The following AKAP8L variants were observed in gnomAD, a reference collection of about 807,000 sequenced individuals.
The protein encoded by AKAP8L is A-kinase anchor protein 8-like.
A neutral mutation model predicts 77.5 loss-of-function variants in AKAP8L; 34 were observed. The ratio of observed to expected loss-of-function variants is 0.44; its 90% confidence interval spans 0.33 to 0.58. The LOEUF (loss-of-function observed/expected upper bound fraction) is 0.58, where lower values mean the gene tolerates loss of function less well. Among genes scored for constraint, AKAP8L ranks in the 20% least tolerant of loss-of-function variants. The probability of loss-of-function intolerance (pLI) is 0.02; values close to 1 mark genes in which losing one functional copy is unlikely to be tolerated. For synonymous variants in AKAP8L, 342 were observed against 340.7 expected (o/e 1.00, Z -0.04); for missense variants, 806 against 887.6 (o/e 0.91, Z 1.17).
At chr19:15,388,650 T>C (rs997047520) in intron 12 of AKAP8L, among the ~76,000 whole-genome samples, 1 of 152,190 alleles carries the variant, frequency 6.6e-6, no homozygotes, top group African/African-American at 2.4e-5. Context: ...GTGCGGTGGC[T>C]CACGCCTGTA....
In AKAP8L at chr19:15,403,887, G is replaced by T; in HGVS notation, c.121+123C>A. ...TCTGATGAGGGCCTCCTGTTAAGGA[G>T]TAGGTAACCCCAGAAACATGCCCCC... On this transcript the variant is annotated intron_variant, in intron 3 of 13. Transcript: ENST00000397410. The surrounding 1 kb of genome is among the most constrained non-coding windows in gnomAD (Gnocchi z 4.3). 8.1e-7 allele frequency: 1 copy of T among 1,228,992 alleles called. No homozygotes were observed. The highest frequency in any genetic ancestry group is 1.2e-6 in the Non-Finnish European group (1 of 856,930). 76.1% of individuals were successfully genotyped at this position (1,228,992 alleles called of 1,614,324 possible). A position where few individuals can be genotyped will look rare whatever the true frequency, so the allele number is the denominator to read the frequency against.
chr19:15,396,051 A>G (rs1031828598), intron 12 of AKAP8L, among the ~76,000 whole-genome samples: 8 of 150,600 alleles, frequency 5.3e-5, no homozygotes, highest in Non-Finnish European at 3.0e-5. Context: ...GCCAAAGCCA[A>G]CTGACATTTT....
chr19:15,390,551 AAAGG>A (rs1457808439), intron 12 of AKAP8L, among the ~76,000 whole-genome samples: 4 of 152,184 alleles, frequency 2.6e-5, no homozygotes, highest in African/African-American at 9.7e-5. Flanking sequence ...AGAAACCAGA[AAAGG>A]AAGAAAAATG....
At chr19:15,389,702 C>T (rs766916389) in intron 12 of AKAP8L, among the ~76,000 whole-genome samples, 2 of 152,104 alleles carry the variant, frequency 1.3e-5, no homozygotes, top group African/African-American at 2.4e-5. Flanking sequence ...ACCTGGGAGG[C>T]GGAGGTTGCA....
chr19:15,389,560 CAGG>C (rs1279413491), intron 12 of AKAP8L, among the ~76,000 whole-genome samples: 1 of 151,938 alleles, frequency 6.6e-6, no homozygotes, highest in East Asian at 1.9e-4. Flanking sequence ...ATCACGAGGT[CAGG>C]AGATCGAGAC....
At chr19:15,404,095 A>G (rs991629954) in intron 2 of AKAP8L, 53 bp from the exon 3 acceptor site, 20 of 1,577,364 alleles carry the variant, frequency 1.3e-5, no homozygotes, top group Non-Finnish European at 1.6e-5. Flanking sequence ...ATACAAGGCC[A>G]TAATTCAGGC....
At chr19:15,400,685 A>T in intron 7 of AKAP8L, 109 bp downstream of exon 7, 1 of 1,308,386 alleles carries the variant, frequency 7.6e-7, no homozygotes, top group Non-Finnish European at 1.1e-6. Flanking sequence ...GCTGGTCACC[A>T]TGCACGCAGA....
Position 15,398,253 on chromosome 19 carries a change from G to A in AKAP8L, c.1158-398C>T. 1 of 275,362 alleles carries A rather than the reference G, an allele frequency of 3.6e-6. No homozygotes were observed. Among genetic ancestry groups the A allele is most frequent in the Non-Finnish European group, 7.1e-6 (1 of 141,148 alleles). The allele number at this position is 275,362 out of a possible 1,614,324, so 17.1% of individuals were successfully genotyped here. ...CCTGGCGTGAGCCAGGTGGCCCTGA[G>A]GTGCAGAGTGGAGTACGCAGTCCCG... On this transcript the variant is annotated intron_variant, in intron 9 of 13. Coordinates refer to ENST00000397410, the MANE Select transcript of AKAP8L (RefSeq NM_014371.4). The surrounding 1 kb of genome is among the most constrained non-coding windows in gnomAD (Gnocchi z 9.2).
At position 15,380,566 on chromosome 19, in the gene AKAP8L, C is replaced by G; in HGVS notation, c.1583G>C (p.Ser528Thr). The G allele has an allele frequency of 6.2e-7, 1 of 1,613,918 alleles. No homozygotes were observed. The highest frequency in any genetic ancestry group is 8.5e-7 in the Non-Finnish European group (1 of 1,179,894). ...SKKSSLMVARSILNNKLISKK... is the reference protein window; with the variant it reads ...SKKSSLMVARTILNNKLISKK... ...GCTGATGAGCTTGTTGTTGAGAATA[C>G]TGCGGGCCACCATGAGGGAGGACTT... Residue 528 changes from serine (S) to threonine (T), a missense_variant, in exon 13 of 14, where the codon AGT (serine) becomes ACT (threonine). This residue lies in a region of AKAP8L where 226 missense variants were observed against 193.5 expected (regional missense o/e 1.17). Coordinates refer to ENST00000397410, the MANE Select transcript of AKAP8L (RefSeq NM_014371.4).
intron 12 of AKAP8L, among the ~76,000 whole-genome samples, chr19:15,390,769 C>T (rs1967644159): frequency 6.6e-6 from 1 of 152,128 alleles, no homozygotes; most frequent in East Asian, 1.9e-4. Flanking sequence ...GTTTTATATC[C>T]AAATAAAATA....
intron 2 of AKAP8L, among the ~76,000 whole-genome samples, chr19:15,405,588 A>G (rs1239272823): frequency 1.3e-5 from 2 of 152,022 alleles, no homozygotes; most frequent in Admixed American, 6.6e-5. Context: ...ACACCTGGCC[A>G]AGTGACTGTT....
chr19:15,418,419 C>T (rs543960728), intron 1 of AKAP8L, among the ~76,000 whole-genome samples: 1 of 152,258 alleles, frequency 6.6e-6, no homozygotes, highest in South Asian at 2.1e-4. Context: ...TGGCGCCTTT[C>T]CCAGTTCTGA....
intron 12 of AKAP8L, chr19:15,381,245 C>CT (rs768757245): frequency 2.0e-5 from 3 of 153,038 alleles, no homozygotes; most frequent in Non-Finnish European, 2.9e-5. Flanking sequence ...TGCGTGCACA[C>CT]TGATTGTAGT....
chr19:15,413,710 C>T (rs1968149073), intron 1 of AKAP8L, among the ~76,000 whole-genome samples: 1 of 152,228 alleles, frequency 6.6e-6, no homozygotes, highest in South Asian at 2.1e-4. Context: ...GTTTGCTCAA[C>T]TGGCCTCTGG....
intron 1 of AKAP8L, among the ~76,000 whole-genome samples, chr19:15,418,271 G>A (rs1185835896): frequency 6.6e-6 from 1 of 152,198 alleles, no homozygotes; most frequent in African/African-American, 2.4e-5. Context: ...TACCCAGTCT[G>A]TACCGGACAC....
In AKAP8L at chr19:15,399,548, G is replaced by A. The variant is rs1967848004; in HGVS notation, c.1049-138C>T. On this transcript the variant is annotated intron_variant, in intron 8 of 13. Coordinates refer to ENST00000397410, the MANE Select transcript of AKAP8L (RefSeq NM_014371.4). This position sits in a 1 kb window ranked among gnomAD's most constrained non-coding sequence, Gnocchi z 6.1. ...CTGTCCAAGCAAGGCCTCTGGCCATGAGCAGGGCTGGGTATCCTGGGCTGT... is the reference window on the plus strand; with the variant it reads ...CTGTCCAAGCAAGGCCTCTGGCCATAAGCAGGGCTGGGTATCCTGGGCTGT... 4.3e-6 allele frequency: 3 copies of A among 698,400 alleles called. No individual in the cohort carries two copies. The highest frequency in any genetic ancestry group is 1.8e-5 in the African/African-American group (1 of 57,106). 43.3% of individuals were successfully genotyped at this position (698,400 alleles called of 1,614,324 possible).
In AKAP8L at chr19:15,401,294, C is replaced by T. The variant is rs1319917889; in HGVS notation, c.672G>A (p.Gln224=). ...GASRLPSLFS[Q]NIIPEYGMFQ... ...ACATGCCGTACTCGGGGATGATGTT[C>T]TGGGAGAAGAGGGAGGGCAGCCGAG... Residue 224 remains glutamine (Q), a synonymous_variant, in exon 5 of 14, where the codon CAG becomes CAA. Transcript: ENST00000397410. The surrounding 1 kb of genome is among the most constrained non-coding windows in gnomAD (Gnocchi z 6.2). The T allele has an allele frequency of 6.2e-7, 1 of 1,613,712 alleles. No individual in the cohort carries two copies. Among genetic ancestry groups the T allele is most frequent in the South Asian group, 1.1e-5 (1 of 91,086 alleles).
At chr19:15,404,330 G>A (rs1967957862) in intron 2 of AKAP8L, 2 of 413,658 alleles carry the variant, frequency 4.8e-6, no homozygotes, top group Admixed American at 4.3e-5. Context: ...GCCAGAATTA[G>A]AAGGTGACCT....
At chr19:15,404,236 C>T (rs1967956041) in intron 2 of AKAP8L, 194 bp from the exon 3 acceptor site, 1 of 595,176 alleles carries the variant, frequency 1.7e-6, no homozygotes, top group Non-Finnish European at 3.0e-6. Flanking sequence ...CTGCCTGTGG[C>T]TCTGAGCATC....
Sources: allele counts gnomAD v4.1 joint callset (sites outside exome capture counted in the v4.1 genomes callset), GRCh38; gene constraint gnomAD v4.1.1; regional missense constraint gnomAD v4.1.1; non-coding constraint Gnocchi (gnomAD v3.1); transcripts MANE v1.5; gene names NCBI Gene and HGNC (gene_info 2026-07-23, HGNC 2026-07-21).